ARB2A: variants seen among roughly 807,000 people sequenced by gnomAD.
The protein encoded by ARB2A is cotranscriptional regulator ARB2A.
chr5:93,622,210 A>G, the ARB2A span, among the ~76,000 whole-genome samples: 2 of 152,210 alleles, frequency 1.3e-5, no homozygotes, highest in African/African-American at 4.8e-5. Context: ...ACAGACTTCC[A>G]CAGAAATAAT....
At chr5:93,741,690 G>A in the ARB2A span, 8 of 1,137,900 alleles carry the variant, frequency 7.0e-6, no homozygotes, top group East Asian at 1.8e-4. Flanking sequence ...AAGGGTGCCT[G>A]TGCGTAGGCG....
At chr5:93,780,765 G>A in the ARB2A span, among the ~76,000 whole-genome samples, 1 of 151,748 alleles carries the variant, frequency 6.6e-6, no homozygotes, top group Non-Finnish European at 1.5e-5. Flanking sequence ...TCACCATGTT[G>A]TCCAGGCTGG....
chr5:94,023,827 G>A, the ARB2A span, among the ~76,000 whole-genome samples: 1 of 152,190 alleles, frequency 6.6e-6, no homozygotes, highest in African/African-American at 2.4e-5. Flanking sequence ...ATGACTAAAA[G>A]CTTAGAAAGG....
chr5:93,988,850 C>T, the ARB2A span, among the ~76,000 whole-genome samples: 1 of 152,118 alleles, frequency 6.6e-6, no homozygotes, highest in Non-Finnish European at 1.5e-5. Context: ...GGTTATATAA[C>T]CCACCCATGG....
chr5:93,971,155 C>T, the ARB2A span, among the ~76,000 whole-genome samples: 6 of 152,132 alleles, frequency 3.9e-5, no homozygotes, highest in East Asian at 7.8e-4. Flanking sequence ...CCCACGACCA[C>T]GCTCAGCTAA....
At chr5:93,621,166 C>G in the ARB2A span, 1 of 1,554,404 alleles carries the variant, frequency 6.4e-7, no homozygotes, top group Non-Finnish European at 8.7e-7. Context: ...CAGGTGGCCA[C>G]GCGGGGCCAG....
chr5:93,961,157 A>G, the ARB2A span, among the ~76,000 whole-genome samples: 20 of 152,304 alleles, frequency 1.3e-4, no homozygotes, highest in Admixed American at 1.2e-3. Context: ...CACTATGTCT[A>G]AACACGCACA....
chr5:94,050,733 C>T, the ARB2A span: 2 of 1,600,062 alleles, frequency 1.2e-6, no homozygotes, highest in Non-Finnish European at 1.7e-6. Context: ...TGACATACCT[C>T]TCCTAGAGCC....
the ARB2A span, among the ~76,000 whole-genome samples, chr5:93,689,838 C>T: frequency 6.6e-6 from 1 of 152,052 alleles, no homozygotes; most frequent in Non-Finnish European, 1.5e-5. Context: ...GCGATTTCTG[C>T]ATTTCCAACT....
chr5:94,040,174 A>C, the ARB2A span, among the ~76,000 whole-genome samples: 1 of 152,110 alleles, frequency 6.6e-6, no homozygotes, highest in East Asian at 1.9e-4. Flanking sequence ...ACAGGATGTT[A>C]ACTGCTTTTC....
chr5:93,826,854 T>C, the ARB2A span, among the ~76,000 whole-genome samples: 43 of 151,004 alleles, frequency 2.8e-4, no homozygotes, highest in African/African-American at 1.0e-3. Flanking sequence ...TGTTTGGTTT[T>C]TTGTCCTTGT....
chr5:93,865,616 A>G, the ARB2A span: 1 of 985,308 alleles, frequency 1.0e-6, no homozygotes, highest in Non-Finnish European at 1.2e-6. Flanking sequence ...TGGGGCTAAC[A>G]TCTTTATTTA....
the ARB2A span, among the ~76,000 whole-genome samples, chr5:93,636,910 TGA>T: frequency 6.6e-6 from 1 of 151,978 alleles, no homozygotes; most frequent in Non-Finnish European, 1.5e-5. Context: ...AAGAAATAAC[TGA>T]GAGGTCTTGT....
chr5:94,063,585 T>C, the ARB2A span, among the ~76,000 whole-genome samples: 16 of 151,922 alleles, frequency 1.1e-4, no homozygotes, highest in Non-Finnish European at 1.9e-4. Context: ...CCAACACCAG[T>C]GCCAGCATAT....
chr5:94,062,061 T>C, the ARB2A span, among the ~76,000 whole-genome samples: 1 of 152,202 alleles, frequency 6.6e-6, no homozygotes, highest in Non-Finnish European at 1.5e-5. Context: ...GAGTGTGGTA[T>C]TGGTAAACAC....
the ARB2A span, among the ~76,000 whole-genome samples, chr5:94,033,422 A>C: frequency 6.6e-6 from 1 of 151,976 alleles, no homozygotes; most frequent in Non-Finnish European, 1.5e-5. Flanking sequence ...ATATATATAT[A>C]TATGTGATTT....
At chr5:93,922,022 G>A in the ARB2A span, among the ~76,000 whole-genome samples, 1 of 152,036 alleles carries the variant, frequency 6.6e-6, no homozygotes, top group Admixed American at 6.6e-5. Context: ...GGTTCATAAG[G>A]ACTTTTAAAG....
At chr5:93,915,257 T>C in the ARB2A span, among the ~76,000 whole-genome samples, 1 of 151,872 alleles carries the variant, frequency 6.6e-6, no homozygotes, top group East Asian at 1.9e-4. Context: ...CATTGGCTTG[T>C]TTACCTTTAT....
chr5:93,692,116 A>C, the ARB2A span, among the ~76,000 whole-genome samples: 2 of 152,360 alleles, frequency 1.3e-5, no homozygotes, highest in South Asian at 4.1e-4. Flanking sequence ...AACTGCATTA[A>C]CTAACGGGCA....
Sources: allele counts gnomAD v4.1 joint callset (sites outside exome capture counted in the v4.1 genomes callset), GRCh38; gene constraint gnomAD v4.1.1; transcripts MANE v1.5; gene names NCBI Gene and HGNC (gene_info 2026-07-23, HGNC 2026-07-21).